The following NYAP2 variants were observed in gnomAD, a reference collection of about 807,000 sequenced individuals.
NYAP2 encodes neuronal tyrosine-phosphorylated phosphoinositide-3-kinase adaptor 2.
NYAP2 carries 23 observed loss-of-function variants against 50.4 expected under a neutral mutation model. The observed-to-expected ratio is 0.46, with a 90% CI of 0.33 to 0.65. The LOEUF (loss-of-function observed/expected upper bound fraction) is 0.65, where lower values mean the gene tolerates loss of function less well. Ranked by LOEUF, NYAP2 falls within the 30% of genes least tolerant of loss-of-function variation. The probability of loss-of-function intolerance (pLI) is 0.02; values close to 1 mark genes in which losing one functional copy is unlikely to be tolerated. For missense variants in NYAP2, 885 were observed against 861.0 expected (o/e 1.03, Z -0.35); for synonymous variants, 394 against 365.2 (o/e 1.08, Z -0.90).
chr2:225,558,559 C>T (rs935352978), intron 4 of NYAP2, among the ~76,000 whole-genome samples: 1 of 152,160 alleles, frequency 6.6e-6, no homozygotes, highest in African/African-American at 2.4e-5. Flanking sequence ...AGCCAGGGAA[C>T]AGGTTCCCTG....
intron 3 of NYAP2, among the ~76,000 whole-genome samples, chr2:225,425,303 T>C (rs1261702813): frequency 6.6e-6 from 1 of 152,214 alleles, no homozygotes; most frequent in Non-Finnish European, 1.5e-5. Context: ...TTTCTTTTAG[T>C]TTCTGTGTGT....
chr2:225,544,296 T>C (rs1355382024), intron 4 of NYAP2, among the ~76,000 whole-genome samples: 1 of 151,956 alleles, frequency 6.6e-6, no homozygotes, highest in East Asian at 1.9e-4. Context: ...AATGTTATTG[T>C]TCATAAATAG....
chr2:225,440,353 A>G (rs1466793905), intron 3 of NYAP2, among the ~76,000 whole-genome samples: 1 of 152,202 alleles, frequency 6.6e-6, no homozygotes, highest in African/African-American at 2.4e-5. Flanking sequence ...GATAACTTCA[A>G]CAATGCTATG....
intron 4 of NYAP2, among the ~76,000 whole-genome samples, chr2:225,570,992 G>T (rs1295948563): frequency 1.3e-5 from 2 of 152,212 alleles, no homozygotes; most frequent in Non-Finnish European, 2.9e-5. Flanking sequence ...AAACAAAGGG[G>T]CTACAGGCCC....
intron 3 of NYAP2, among the ~76,000 whole-genome samples, chr2:225,466,298 T>G (rs1026557625): frequency 1.3e-5 from 2 of 152,250 alleles, no homozygotes; most frequent in African/African-American, 4.8e-5. Context: ...TTCTTTGCTT[T>G]TGTTCATTTT....
At chr2:225,475,115 A>G (rs1031315578) in intron 3 of NYAP2, among the ~76,000 whole-genome samples, 1 of 152,262 alleles carries the variant, frequency 6.6e-6, no homozygotes, top group African/African-American at 2.4e-5. Flanking sequence ...ACAGAAAACT[A>G]TAGCAAAAGC....
intron 3 of NYAP2, among the ~76,000 whole-genome samples, chr2:225,484,839 C>A (rs1574638050): frequency 2.0e-5 from 3 of 152,320 alleles, no homozygotes; most frequent in African/African-American, 7.2e-5. Flanking sequence ...TCAGTGTCAT[C>A]TGAAATGTAT....
the NYAP2 span, among the ~76,000 whole-genome samples, chr2:225,683,991 A>T: frequency 6.6e-6 from 1 of 152,152 alleles, no homozygotes; most frequent in Admixed American, 6.5e-5. Flanking sequence ...TAGTCAATTT[A>T]TGGGCAAAAT....
intron 4 of NYAP2, among the ~76,000 whole-genome samples, chr2:225,578,115 T>C (rs148210210): frequency 0.037 from 5,634 of 151,978 alleles, 328 homozygotes; most frequent in African/African-American, 0.13. Context: ...GTATTTTTAG[T>C]AGAGATGGGG....
At chr2:225,404,567 G>A (rs1694909605) in intron 2 of NYAP2, among the ~76,000 whole-genome samples, 2 of 151,960 alleles carry the variant, frequency 1.3e-5, no homozygotes, top group African/African-American at 4.8e-5. Flanking sequence ...TTAACTTATG[G>A]TAAGAATTAA....
At chr2:225,671,562 TCAA>T in the NYAP2 span, among the ~76,000 whole-genome samples, 3 of 152,284 alleles carry the variant, frequency 2.0e-5, no homozygotes, top group Admixed American at 6.5e-5. Flanking sequence ...AAGGTTGAGA[TCAA>T]CTTCTTCCAA....
the NYAP2 span, chr2:225,699,604 GT>G: frequency 1.3e-5 from 2 of 151,778 alleles, no homozygotes; most frequent in Non-Finnish European, 2.9e-5. Context: ...AATAAAATAT[GT>G]ATTTCTTGTT....
At chr2:225,636,966 G>A (rs1693430253) in intron 6 of NYAP2, among the ~76,000 whole-genome samples, 1 of 152,202 alleles carries the variant, frequency 6.6e-6, no homozygotes, top group Admixed American at 6.5e-5. Flanking sequence ...TCATGAGCAA[G>A]ACTAAATGAG....
At chr2:225,462,409 C>T (rs1254284113) in intron 3 of NYAP2, among the ~76,000 whole-genome samples, 2 of 152,072 alleles carry the variant, frequency 1.3e-5, no homozygotes, top group Non-Finnish European at 2.9e-5. Flanking sequence ...TCCATCAAGA[C>T]CTGACTTCAC....
At chr2:225,622,559 T>TTCTTTCTTTCTTTCTTTC (rs767090288) in intron 5 of NYAP2, among the ~76,000 whole-genome samples, 2 of 56,842 alleles carry the variant, frequency 3.5e-5, no homozygotes, top group African/African-American at 6.6e-5. Flanking sequence ...CTTTCTTTCT[T>TTCTTTCTTTCTTTCTTTC]TTTCTTTCTT....
chr2:225,638,513 C>T (rs1398265684), intron 6 of NYAP2, among the ~76,000 whole-genome samples: 1 of 152,002 alleles, frequency 6.6e-6, no homozygotes, highest in African/African-American at 2.4e-5. Flanking sequence ...TGGAGAGGAA[C>T]TCTGGAGGTG....
At chr2:225,559,367 G>A (rs555890645) in intron 4 of NYAP2, among the ~76,000 whole-genome samples, 176 of 151,198 alleles carry the variant, frequency 1.2e-3, no homozygotes, top group Non-Finnish European at 2.2e-3. Context: ...AAAAAAATGT[G>A]CTATGTCTGG....
At chr2:225,446,692 A>G (rs184504016) in intron 3 of NYAP2, among the ~76,000 whole-genome samples, 61 of 152,294 alleles carry the variant, frequency 4.0e-4, no homozygotes, top group Admixed American at 7.8e-4. Context: ...ATATTGATTT[A>G]TTGAAAACAG....
intron 3 of NYAP2, among the ~76,000 whole-genome samples, chr2:225,493,512 A>G (rs1690446992): frequency 6.6e-6 from 1 of 152,186 alleles, no homozygotes; most frequent in South Asian, 2.1e-4. Flanking sequence ...ATAGTTTCTC[A>G]AAACAATTGG....
Sources: allele counts gnomAD v4.1 joint callset (sites outside exome capture counted in the v4.1 genomes callset), GRCh38; gene constraint gnomAD v4.1.1; transcripts MANE v1.5; gene names NCBI Gene and HGNC (gene_info 2026-07-23, HGNC 2026-07-21).